PDGFD: variants seen among roughly 807,000 people sequenced by gnomAD.
PDGFD encodes platelet derived growth factor D.
PDGFD carries 30 observed loss-of-function variants against 44.7 expected under a neutral mutation model. The ratio of observed to expected loss-of-function variants is 0.67; its 90% CI spans 0.50 to 0.91. The LOEUF (loss-of-function observed/expected upper bound fraction) is 0.91, where lower values mean the gene tolerates loss of function less well. PDGFD is among the 40% of genes least tolerant of loss of function. The pLI, the probability that PDGFD is intolerant of heterozygous loss-of-function variation, is 0.00. For synonymous variants in PDGFD, 173 were observed against 168.4 expected, an observed-to-expected ratio of 1.03 and a Z score of -0.21; for missense variants, 445 against 457.8, an observed-to-expected ratio of 0.97 and a Z score of 0.25.
chr11:103,925,716 C>CATATATATATATATATATATATATATAT (rs370841769), intron 6 of PDGFD, among the ~76,000 whole-genome samples: 12 of 122,770 alleles, frequency 9.8e-5, no homozygotes, highest in African/African-American at 3.5e-4. Context: ...CACACACACA[C>CATATATATATATATATATATATATATAT]ATATATATAT....
intron 1 of PDGFD, among the ~76,000 whole-genome samples, chr11:104,064,813 T>G (rs1031404953): frequency 2.0e-5 from 3 of 152,204 alleles, no homozygotes; most frequent in Non-Finnish European, 4.4e-5. Flanking sequence ...TATAAATGTT[T>G]ATGCTGCAAA....
At chr11:104,103,417 G>A (rs977183936) in intron 1 of PDGFD, among the ~76,000 whole-genome samples, 2 of 147,276 alleles carry the variant, frequency 1.4e-5, no homozygotes, top group African/African-American at 2.5e-5. Context: ...CCTTCTCAAT[G>A]AGCAAAATAT....
Position 104,163,980 on chromosome 11 carries a change from T to C in PDGFD, c.-53A>G, listed in dbSNP as rs1862429744. 1 of 1,473,594 alleles carries C rather than the reference T, an allele frequency of 6.8e-7. No homozygotes were observed. The highest frequency in any genetic ancestry group is 2.0e-5 in the Admixed American group (1 of 49,516). The allele number at this position is 1,473,594 out of a possible 1,614,324, so 91.3% of individuals were successfully genotyped here. On this transcript the variant is annotated 5_prime_UTR_variant, in exon 1 of 7. Transcript: ENST00000393158. ...GCTCCAAGAAAAAGCCGGGTTCTGC[T>C]CCCGGGACCGACGCCGCGCCGCCCT...
At chr11:104,049,398 AG>A (rs1433167439) in intron 1 of PDGFD, among the ~76,000 whole-genome samples, 1 of 152,236 alleles carries the variant, frequency 6.6e-6, no homozygotes, top group Non-Finnish European at 1.5e-5. Context: ...GAGAATGGTT[AG>A]GGTGGCTGAA....
In PDGFD at chr11:103,951,433, C is replaced by A. The variant is rs563961805; in HGVS notation, c.511-3709G>T. Among the ~76,000 whole-genome samples the A allele has an allele frequency of 2.0e-5, 3 of 152,300 alleles. No homozygotes were observed. In the South Asian group the frequency reaches 6.2e-4, roughly 32 times the overall value. ...TCTTCCCCTAGGGTCAGAATTATCT[C>A]TTTTAATGGTAAATCAAATCACTTC... On this transcript the variant is annotated intron_variant, in intron 3 of 6. Coordinates refer to ENST00000393158, the MANE Select transcript of PDGFD (RefSeq NM_025208.5).
intron 1 of PDGFD, among the ~76,000 whole-genome samples, chr11:104,115,885 T>A (rs1861629388): frequency 6.6e-6 from 1 of 152,016 alleles, no homozygotes; most frequent in South Asian, 2.1e-4. Context: ...GATGGGATTG[T>A]TGGTTTTTTT....
At chr11:103,946,960 T>C (rs1430492469) in intron 4 of PDGFD, among the ~76,000 whole-genome samples, 1 of 152,222 alleles carries the variant, frequency 6.6e-6, no homozygotes, top group Non-Finnish European at 1.5e-5. Context: ...CTCAGAACCA[T>C]GGGCAAGCTT....
chr11:104,164,026 C>A lies in PDGFD; in HGVS notation c.-99G>T. The A allele has an allele frequency of 1.5e-6, 2 of 1,330,238 alleles. No homozygotes were observed. Among genetic ancestry groups the A allele is most frequent in the Non-Finnish European group, 2.0e-6 (2 of 998,620 alleles). 82.4% of individuals were successfully genotyped at this position (1,330,238 alleles called of 1,614,324 possible). A position where few individuals can be genotyped will look rare whatever the true frequency, so the allele number is the denominator to read the frequency against. On this transcript the variant is annotated 5_prime_UTR_variant, in exon 1 of 7. Coordinates refer to ENST00000393158, the MANE Select transcript of PDGFD (RefSeq NM_025208.5). ...GCCCTGCGCTCTCGCCGCCTGCGCTCGCCCTGCGCTGGCCCGGGTCGCTGT... is the reference window on the plus strand; with the variant it reads ...GCCCTGCGCTCTCGCCGCCTGCGCTAGCCCTGCGCTGGCCCGGGTCGCTGT...
At chr11:103,988,389 T>G (rs1228591433) in intron 3 of PDGFD, among the ~76,000 whole-genome samples, 1 of 151,838 alleles carries the variant, frequency 6.6e-6, no homozygotes, top group Non-Finnish European at 1.5e-5. Flanking sequence ...CCTCTCAAGC[T>G]GGAAATGTGT....
At chr11:104,060,569 G>T (rs1860698025) in intron 1 of PDGFD, among the ~76,000 whole-genome samples, 1 of 152,188 alleles carries the variant, frequency 6.6e-6, no homozygotes, top group Admixed American at 6.5e-5. Flanking sequence ...TAAGTTTGTA[G>T]CCAAGGGGAA....
At chr11:103,910,253 T>C (rs1858006962) in intron 6 of PDGFD, among the ~76,000 whole-genome samples, 2 of 152,228 alleles carry the variant, frequency 1.3e-5, no homozygotes, top group Admixed American at 6.5e-5. Flanking sequence ...TAAAATATGC[T>C]GGTATATCTA....
intron 5 of PDGFD, among the ~76,000 whole-genome samples, chr11:103,934,280 GCC>G (rs1197680691): frequency 6.6e-6 from 1 of 152,174 alleles, no homozygotes; most frequent in East Asian, 1.9e-4. Context: ...CAGTAGGTAT[GCC>G]CACATTATTA....
At chr11:103,932,600 C>T (rs1021265170) in intron 5 of PDGFD, among the ~76,000 whole-genome samples, 1 of 152,154 alleles carries the variant, frequency 6.6e-6, no homozygotes, top group Non-Finnish European at 1.5e-5. Flanking sequence ...AGTACTTTGT[C>T]CCTAATGTAA....
intron 5 of PDGFD, among the ~76,000 whole-genome samples, chr11:103,932,112 A>G (rs1858409546): frequency 6.6e-6 from 1 of 152,000 alleles, no homozygotes; most frequent in Admixed American, 6.6e-5. Context: ...TCTGCCCTCT[A>G]TTATAGCATT....
At chr11:104,037,395 C>G in intron 1 of PDGFD, 1 of 1,614,064 alleles carries the variant, frequency 6.2e-7, no homozygotes, top group South Asian at 1.1e-5. Context: ...GGGAAAAGGC[C>G]TTGAGAGAGC....
At chr11:103,936,696 A>G (rs1392505044) in intron 5 of PDGFD, among the ~76,000 whole-genome samples, 2 of 152,350 alleles carry the variant, frequency 1.3e-5, no homozygotes, top group African/African-American at 4.8e-5. Flanking sequence ...TAACTGTTCC[A>G]CAGTTGTAAC....
chr11:103,937,312 G>A (rs913386705), intron 5 of PDGFD, among the ~76,000 whole-genome samples: 2 of 152,034 alleles, frequency 1.3e-5, no homozygotes, highest in African/African-American at 2.4e-5. Flanking sequence ...TTGCCATTAT[G>A]TCCTGGATTT....
chr11:103,968,930 C>G (rs1252768320), intron 3 of PDGFD, among the ~76,000 whole-genome samples: 1 of 152,184 alleles, frequency 6.6e-6, no homozygotes, highest in African/African-American at 2.4e-5. Flanking sequence ...TGTCAGCTCT[C>G]TTAAATTTGC....
intron 4 of PDGFD, chr11:103,945,725 A>G (rs1858658998): frequency 6.6e-6 from 1 of 152,224 alleles, no homozygotes; most frequent in South Asian, 2.1e-4. Flanking sequence ...AGTGCCTAGA[A>G]TGTAGTGTGT....
Sources: gnomAD v4.1 joint callset for allele counts (sites outside exome capture counted in the v4.1 genomes callset) on GRCh38, gnomAD v4.1.1 for gene constraint, MANE v1.5 for transcripts, NCBI Gene and HGNC (gene_info 2026-07-23, HGNC 2026-07-21) for gene names.